RARRES1: variants seen among roughly 807,000 people sequenced by gnomAD.
RARRES1 encodes the protein retinoic acid receptor responder 1.
Under a neutral mutation model 30.6 loss-of-function variants are expected in RARRES1, and 34 were observed. The ratio of observed to expected loss-of-function variants is 1.11; its 90% CI spans 0.84 to 1.48. RARRES1 has a LOEUF of 1.48. Among genes scored for constraint, RARRES1 ranks in the 40% most tolerant of loss-of-function variants. RARRES1 has a pLI of 0.00. For missense variants in RARRES1, 373 were observed against 386.5 expected (o/e 0.97, Z 0.29); for synonymous variants, 153 against 155.5 (o/e 0.98, Z 0.12).
rs534423832 is a variant in RARRES1, at chr3:158,701,071, A to G, written c.673-3101T>C. On this transcript the variant is annotated intron_variant, in intron 4 of 5. Coordinates refer to ENST00000237696, the MANE Select transcript of RARRES1 (RefSeq NM_206963.2). ...CTTTGGCTAATGGAGACTTCTACTTAATGTGAAGATGAGCTGACTGATAGT... is the reference window on the plus strand; with the variant it reads ...CTTTGGCTAATGGAGACTTCTACTTGATGTGAAGATGAGCTGACTGATAGT... 6.6e-5 allele frequency among the ~76,000 whole-genome samples: 10 copies of G among 152,360 alleles called. No individual in the cohort carries two copies. The East Asian group carries it at 1.9e-3, about 29-fold the overall frequency.
chr3:158,714,212 TG>T (rs1031547485), intron 1 of RARRES1, among the ~76,000 whole-genome samples: 3 of 152,198 alleles, frequency 2.0e-5, no homozygotes, highest in Admixed American at 6.5e-5. Flanking sequence ...CGCCCTGTCC[TG>T]GGGCCACATC....
intron 1 of RARRES1, among the ~76,000 whole-genome samples, chr3:158,730,387 C>CCTTA (rs1727839482): frequency 1.0e-5 from 1 of 98,564 alleles, no homozygotes; most frequent in Non-Finnish European, 2.3e-5. Flanking sequence ...TTCCTTCCTT[C>CCTTA]CTTCCTTCCT....
intron 4 of RARRES1, among the ~76,000 whole-genome samples, chr3:158,701,745 C>T (rs1299854687): frequency 6.6e-6 from 1 of 152,170 alleles, no homozygotes; most frequent in East Asian, 1.9e-4. Context: ...ATTTGAAAAT[C>T]TTTGTGGATA....
chr3:158,727,197 G>C (rs979563540), intron 1 of RARRES1, among the ~76,000 whole-genome samples: 1 of 152,210 alleles, frequency 6.6e-6, no homozygotes, highest in Non-Finnish European at 1.5e-5. Flanking sequence ...GAAATGACCA[G>C]TGCAGACTGG....
chr3:158,732,154 C>T lies in RARRES1; in HGVS notation c.262G>A (p.Glu88Lys). ...TCCGCACTCACCCACGCGCGGCCCT[C>T]CTGCACCTCGGCCAGCACTCGTAGC... ...SALRVLAEVQ[E>K]GRAWINPKEG... Residue 88 changes from glutamate (E) to lysine (K), a missense_variant, in exon 1 of 6, where the codon GAG (glutamate) becomes AAG (lysine). Physicochemically the swap from Glu to Lys is moderately conservative, Grantham distance 56. Transcript: ENST00000237696. The T allele has an allele frequency of 7.1e-7, 1 of 1,401,684 alleles. No individual in the cohort carries two copies. The highest frequency in any genetic ancestry group is 9.2e-7 in the Non-Finnish European group (1 of 1,085,592). 86.8% of individuals were successfully genotyped at this position (1,401,684 alleles called of 1,614,324 possible).
chr3:158,720,868 C>T (rs540451109), intron 1 of RARRES1, among the ~76,000 whole-genome samples: 59 of 152,304 alleles, frequency 3.9e-4, no homozygotes, highest in African/African-American at 1.3e-3. Context: ...AGTATGACCT[C>T]ATCTTAACTT....
intron 1 of RARRES1, among the ~76,000 whole-genome samples, chr3:158,717,655 A>G (rs756271874): frequency 2.6e-4 from 40 of 152,212 alleles, no homozygotes; most frequent in Non-Finnish European, 5.4e-4. Context: ...GGGATTTTGA[A>G]AAGATCCCTC....
chr3:158,698,075 C>G, intron 4 of RARRES1, 105 bp from the exon 5 acceptor site: 1 of 779,406 alleles, frequency 1.3e-6, no homozygotes, highest in Admixed American at 3.1e-5. Context: ...CTCCTACTGC[C>G]TTTTCGATTT....
At chr3:158,709,472 T>C (rs1727039623) in intron 3 of RARRES1, among the ~76,000 whole-genome samples, 1 of 152,260 alleles carries the variant, frequency 6.6e-6, no homozygotes, top group South Asian at 2.1e-4. Context: ...ATTGCTCCCC[T>C]TGATTGCTTG....
intron 1 of RARRES1, among the ~76,000 whole-genome samples, chr3:158,731,691 C>T (rs1727893390): frequency 6.6e-6 from 1 of 152,218 alleles, no homozygotes; most frequent in Non-Finnish European, 1.5e-5. Flanking sequence ...TGGCTACTGG[C>T]TTAGATTTTG....
intron 1 of RARRES1, among the ~76,000 whole-genome samples, chr3:158,729,757 T>C (rs751747258): frequency 2.2e-4 from 33 of 152,006 alleles, no homozygotes; most frequent in Admixed American, 5.2e-4. Flanking sequence ...CAGCCTATTA[T>C]TCCTTTTTAA....
chr3:158,702,048 G>C (rs1726745398), intron 4 of RARRES1, among the ~76,000 whole-genome samples: 1 of 151,762 alleles, frequency 6.6e-6, no homozygotes, highest in African/African-American at 2.4e-5. Flanking sequence ...GTTTTGTTTT[G>C]TTTTTTTGAG....
chr3:158,716,403 C>G (rs907377160), intron 1 of RARRES1, among the ~76,000 whole-genome samples: 3 of 152,166 alleles, frequency 2.0e-5, no homozygotes, highest in Non-Finnish European at 2.9e-5. Context: ...TCACTAAAGT[C>G]TTCCTTATTC....
intron 1 of RARRES1, among the ~76,000 whole-genome samples, chr3:158,725,949 A>C (rs1727670626): frequency 6.6e-6 from 1 of 152,148 alleles, no homozygotes; most frequent in African/African-American, 2.4e-5. Flanking sequence ...CAGAATTGTT[A>C]TGTTTCATCC....
intron 4 of RARRES1, among the ~76,000 whole-genome samples, chr3:158,704,143 C>T (rs1436740235): frequency 1.3e-5 from 2 of 151,628 alleles, no homozygotes; most frequent in Non-Finnish European, 2.9e-5. Context: ...ATCCAAACAT[C>T]TCTCCAGCCC....
At chr3:158,716,866 G>T (rs1727338476) in intron 1 of RARRES1, among the ~76,000 whole-genome samples, 1 of 152,210 alleles carries the variant, frequency 6.6e-6, no homozygotes, top group Admixed American at 6.5e-5. Context: ...TTATAGGCGT[G>T]ACTCACTGCG....
At chr3:158,705,921 A>G (rs1195198527) in intron 3 of RARRES1, among the ~76,000 whole-genome samples, 1 of 152,218 alleles carries the variant, frequency 6.6e-6, no homozygotes, top group African/African-American at 2.4e-5. Flanking sequence ...GGATACAATG[A>G]CTAATAAATT....
intron 4 of RARRES1, among the ~76,000 whole-genome samples, chr3:158,703,933 CTGTT>C (rs1315766659): frequency 6.6e-6 from 1 of 152,198 alleles, no homozygotes; most frequent in East Asian, 1.9e-4. Flanking sequence ...TACAAATTCT[CTGTT>C]TGGTTATAGA....
chr3:158,729,128 C>A (rs1338093699), intron 1 of RARRES1, among the ~76,000 whole-genome samples: 1 of 152,026 alleles, frequency 6.6e-6, no homozygotes, highest in Non-Finnish European at 1.5e-5. Context: ...TTATATGACT[C>A]CTTAGACCAC....
Sources: allele counts gnomAD v4.1 joint callset (sites outside exome capture counted in the v4.1 genomes callset), GRCh38; gene constraint gnomAD v4.1.1; transcripts MANE v1.5; gene names NCBI Gene and HGNC (gene_info 2026-07-23, HGNC 2026-07-21).